Variants in CCDC191 observed in about 807,000 individuals in gnomAD.
CCDC191 encodes coiled-coil domain containing 191.
Under a neutral mutation model 114.0 loss-of-function variants are expected in CCDC191, and 99 were observed. The ratio of observed to expected loss-of-function variants is 0.87; its 90% CI spans 0.74 to 1.03. CCDC191 has a LOEUF of 1.03. Ranked by LOEUF, CCDC191 falls within the 50% of genes least tolerant of loss-of-function variation. The pLI is 0.00. For synonymous variants in CCDC191, 351 were observed against 376.0 expected (o/e 0.93, Z 0.77); for missense variants, 973 against 1,087.0 (o/e 0.90, Z 1.47).
At chr3:114,056,532 C>A, upstream of CCDC191, 2 of 1,611,450 alleles carry the variant, frequency 1.2e-6, no homozygotes, top group South Asian at 2.2e-5. Flanking sequence ...GGGCTGCCTC[C>A]GGGTCACGCT....
intron 2 of CCDC191, among the ~76,000 whole-genome samples, chr3:114,047,507 T>TA (rs904074318): frequency 6.6e-6 from 1 of 151,624 alleles, no homozygotes; most frequent in East Asian, 1.9e-4. Context: ...AGTTAAAAAA[T>TA]AAAAAATTAG....
chr3:114,042,679 T>C (rs1409887632), intron 4 of CCDC191, 24 bp downstream of exon 4: 6 of 1,518,252 alleles, frequency 4.0e-6, no homozygotes, highest in Non-Finnish European at 4.4e-6. Flanking sequence ...TGTTAAAACT[T>C]AGAACAATCA....
intron 11 of CCDC191, 73 bp from the exon 12 acceptor site, chr3:114,002,611 T>C (rs1342388896): frequency 7.5e-7 from 1 of 1,341,004 alleles, no homozygotes; most frequent in East Asian, 2.5e-5. Context: ...GAGAAATGTC[T>C]CCATTTCATA....
chr3:113,985,960 C>A (rs1268733284), intron 13 of CCDC191, among the ~76,000 whole-genome samples: 2 of 152,212 alleles, frequency 1.3e-5, no homozygotes, highest in Admixed American at 6.5e-5. Flanking sequence ...AATAAATACA[C>A]CCTGAAAAGA....
Position 113,978,309 on chromosome 3 carries a change from T to A in CCDC191, c.2483A>T (p.Glu828Val). Residue 828 changes from glutamate (E) to valine (V), a missense_variant, in exon 16 of 17, where the codon GAA (glutamate) becomes GTA (valine). By Grantham distance (121) the Glu-to-Val change is moderately radical (BLOSUM62 -2). Transcript: ENST00000295878. ...WLQYVIDLQE[E>V]VRKFCVHFLQ... Reference sequence around the variant, plus strand: ...AAAATGTACACAAAATTTTCTTACTTCTTCCTGCAGATCAATCACGTACTG... The same window carrying A: ...AAAATGTACACAAAATTTTCTTACTACTTCCTGCAGATCAATCACGTACTG... 6.2e-7 allele frequency: 1 copy of A among 1,614,008 alleles called. No individual in the cohort carries two copies. The highest frequency in any genetic ancestry group is 8.5e-7 in the Non-Finnish European group (1 of 1,179,960).
intron 8 of CCDC191, among the ~76,000 whole-genome samples, chr3:114,017,503 C>G (rs182319074): frequency 6.6e-6 from 1 of 152,222 alleles, no homozygotes; most frequent in Non-Finnish European, 1.5e-5. Flanking sequence ...GCACCAGTCT[C>G]CAGGCCTGAT....
intron 7 of CCDC191, among the ~76,000 whole-genome samples, chr3:114,022,248 C>G (rs758753536): frequency 7.9e-5 from 12 of 152,088 alleles, no homozygotes; most frequent in Admixed American, 3.9e-4. Flanking sequence ...GTTCTGTTAG[C>G]CAGAAAAGCT....
intron 12 of CCDC191, 52 bp from the exon 13 acceptor site, chr3:114,001,748 TG>T: frequency 6.2e-7 from 1 of 1,607,582 alleles, no homozygotes; most frequent in Non-Finnish European, 8.5e-7. Context: ...TGAACAGAAA[TG>T]TGATCTTTTA....
chr3:114,003,649 C>T, intron 11 of CCDC191: 1 of 985,198 alleles, frequency 1.0e-6, no homozygotes, highest in Non-Finnish European at 1.2e-6. Context: ...TCATACTTAA[C>T]TGGGTATTTA....
At chr3:113,970,630 C>A (rs536111392) in intron 16 of CCDC191, among the ~76,000 whole-genome samples, 1 of 152,110 alleles carries the variant, frequency 6.6e-6, no homozygotes, top group Admixed American at 6.5e-5. Flanking sequence ...AGGTTTGTTA[C>A]ATATGTATAC....
intron 16 of CCDC191, among the ~76,000 whole-genome samples, chr3:113,974,655 C>T (rs1244660674): frequency 1.3e-5 from 2 of 152,116 alleles, no homozygotes; most frequent in Non-Finnish European, 1.5e-5. Flanking sequence ...ATGTCTATGC[C>T]TTTGCACTGA....
intron 3 of CCDC191, among the ~76,000 whole-genome samples, chr3:114,045,417 G>A (rs1210917791): frequency 6.6e-6 from 1 of 151,980 alleles, no homozygotes; most frequent in Non-Finnish European, 1.5e-5. Flanking sequence ...TGTCACCCAG[G>A]CTGGAGTGCA....
chr3:114,034,894 A>T (rs777285397), intron 6 of CCDC191, 31 bp downstream of exon 6: 1 of 1,584,850 alleles, frequency 6.3e-7, no homozygotes, highest in South Asian at 1.1e-5. Flanking sequence ...TTAAACAGAG[A>T]AACCCCACAG....
intron 8 of CCDC191, among the ~76,000 whole-genome samples, chr3:114,012,681 G>T (rs2076090952): frequency 1.3e-5 from 2 of 152,186 alleles, no homozygotes; most frequent in South Asian, 4.1e-4. Flanking sequence ...ACATTGCTGT[G>T]TCTGATTAAT....
At chr3:114,002,238 T>A (rs771848271) in intron 12 of CCDC191, among the ~76,000 whole-genome samples, 3 of 152,220 alleles carry the variant, frequency 2.0e-5, no homozygotes, top group Admixed American at 6.5e-5. Flanking sequence ...TCAACTTTCA[T>A]AACATTTTCT....
intron 2 of CCDC191, among the ~76,000 whole-genome samples, chr3:114,047,746 G>A (rs556831892): frequency 6.6e-6 from 1 of 151,970 alleles, no homozygotes; most frequent in Admixed American, 6.6e-5. Context: ...AGGCCGAGGC[G>A]GGTGGATCAC....
At chr3:114,006,389 C>T (rs966687654) in intron 9 of CCDC191, among the ~76,000 whole-genome samples, 1 of 151,116 alleles carries the variant, frequency 6.6e-6, no homozygotes, top group African/African-American at 2.4e-5. Context: ...GTGGAGGTTG[C>T]AGTGGGCTGA....
At chr3:114,003,206 G>A (rs1429308103) in intron 11 of CCDC191, 2 of 985,278 alleles carry the variant, frequency 2.0e-6, no homozygotes, top group African/African-American at 3.5e-5. Context: ...AAGATGGTCT[G>A]ATAATATGAC....
At chr3:114,055,640 A>G (rs1421326439) in intron 1 of CCDC191, among the ~76,000 whole-genome samples, 2 of 152,266 alleles carry the variant, frequency 1.3e-5, no homozygotes, top group African/African-American at 4.8e-5. Context: ...AAGCTTCTCC[A>G]TTTTAGTACT....
Sources: gnomAD v4.1 joint callset for allele counts (sites outside exome capture counted in the v4.1 genomes callset) on GRCh38, gnomAD v4.1.1 for gene constraint, MANE v1.5 for transcripts, NCBI Gene and HGNC (gene_info 2026-07-23, HGNC 2026-07-21) for gene names.